The following PDCD6 variants were observed in gnomAD, a reference collection of about 807,000 sequenced individuals.
PDCD6 encodes programmed cell death 6.
In PDCD6, 12 loss-of-function variants were observed where a neutral mutation model predicts 28.3. That is an observed-to-expected ratio of 0.42 (90% confidence interval 0.27 to 0.69). PDCD6 has a LOEUF of 0.69. Ranked by LOEUF, PDCD6 falls within the 30% of genes least tolerant of loss-of-function variation. The pLI, the probability that PDCD6 is intolerant of heterozygous loss-of-function variation, is 0.22. For synonymous variants in PDCD6, 92 were observed against 108.0 expected, an observed-to-expected ratio of 0.85 and a Z score of 0.92; for missense variants, 226 against 269.9, an observed-to-expected ratio of 0.84 and a Z score of 1.14.
intron 2 of PDCD6, among the ~76,000 whole-genome samples, chr5:281,017 CTT>C (rs1224969896): frequency 1.3e-5 from 2 of 152,268 alleles, no homozygotes; most frequent in Non-Finnish European, 2.9e-5. Flanking sequence ...TTTCATAAGA[CTT>C]CTGCACAGGC....
intron 2 of PDCD6, among the ~76,000 whole-genome samples, chr5:298,008 G>C (rs1405965742): frequency 6.6e-6 from 1 of 152,168 alleles, no homozygotes; most frequent in Non-Finnish European, 1.5e-5. Context: ...TAAATATAAG[G>C]TTAGATCCAC....
At chr5:301,540 T>G (rs577898076) in intron 2 of PDCD6, among the ~76,000 whole-genome samples, 3 of 152,270 alleles carry the variant, frequency 2.0e-5, no homozygotes, top group Admixed American at 6.5e-5. Context: ...TACAGAAAGG[T>G]AATCCTGCAG....
In PDCD6 at chr5:306,584, C is replaced by A. The variant is rs149432728; in HGVS notation, c.209-18C>A. 1.2e-5 allele frequency: 19 copies of A among 1,609,756 alleles called. No individual in the cohort carries two copies. The highest frequency in any genetic ancestry group is 1.6e-5 in the Non-Finnish European group (19 of 1,176,882). ...TGCAACTGATCTTTTGCTGCTTGAC[C>A]GTTCCTCTCTGTCTCAGCCATGTTT... On this transcript the variant is annotated intron_variant, in intron 3 of 5. Transcript: ENST00000264933.
chr5:292,496 T>A (rs1739372429), intron 2 of PDCD6, among the ~76,000 whole-genome samples: 1 of 152,236 alleles, frequency 6.6e-6, no homozygotes, highest in African/African-American at 2.4e-5. Context: ...TGACCTCAGG[T>A]GATTCTCCCA....
chr5:273,780 C>A (rs1052932902), intron 2 of PDCD6, among the ~76,000 whole-genome samples: 6 of 152,150 alleles, frequency 3.9e-5, no homozygotes, highest in Non-Finnish European at 8.8e-5. Flanking sequence ...ATTACGACAT[C>A]AGTTCCTAAT....
intron 4 of PDCD6, 73 bp from the exon 5 acceptor site, chr5:311,220 C>T: frequency 3.6e-6 from 4 of 1,123,674 alleles, no homozygotes; most frequent in Non-Finnish European, 5.4e-6. Context: ...GGGCCTTGGG[C>T]AGGAGGGGTG....
rs145501003 is a variant in PDCD6, at chr5:291,458, C to A, written c.164-12719C>A. 9.1e-3 allele frequency among the ~76,000 whole-genome samples: 1,370 copies of A among 151,196 alleles called. 5 individuals carry two copies. The highest frequency in any genetic ancestry group is 0.014 in the Non-Finnish European group (920 of 67,794). On this transcript the variant is annotated intron_variant, in intron 2 of 5. Transcript: ENST00000264933. ...ATTCTCTGCCTGAGACCCACCCACA[C>A]TGACATGGTTCATTTTCATTGCTGC... is the stretch of plus-strand genomic sequence containing the variant.
At chr5:308,856 A>G (rs1290325418) in intron 4 of PDCD6, 1 of 152,196 alleles carries the variant, frequency 6.6e-6, no homozygotes, top group Admixed American at 6.5e-5. Context: ...CTTTATTGTT[A>G]ACATCAACTG....
chr5:297,396 C>G (rs527607828), intron 2 of PDCD6, among the ~76,000 whole-genome samples: 1 of 152,334 alleles, frequency 6.6e-6, no homozygotes, highest in African/African-American at 2.4e-5. Context: ...AAATGAGACT[C>G]TCATGGAAAA....
rs570858322 is a variant in PDCD6, at chr5:288,941, T to G, written c.164-15236T>G. On this transcript the variant is annotated intron_variant, in intron 2 of 5. Coordinates refer to ENST00000264933, the MANE Select transcript of PDCD6 (RefSeq NM_013232.4). ...TACTGGAATTAGATCCTACTAATTCTTCTGTTTCACGGCAGTCAGAAGAAC... is the reference window on the plus strand; with the variant it reads ...TACTGGAATTAGATCCTACTAATTCGTCTGTTTCACGGCAGTCAGAAGAAC... 1.4e-4 allele frequency: 213 copies of G among 1,543,314 alleles called. No homozygotes were observed. In the African/African-American group the frequency reaches 2.6e-3, roughly 19 times the overall value.
At chr5:286,479 T>C (rs1247020886) in intron 2 of PDCD6, among the ~76,000 whole-genome samples, 1 of 151,534 alleles carries the variant, frequency 6.6e-6, no homozygotes, top group Non-Finnish European at 1.5e-5. Flanking sequence ...GAGGAGCTGA[T>C]GTTCTTGTTT....
intron 2 of PDCD6, among the ~76,000 whole-genome samples, chr5:275,282 C>G (rs529134682): frequency 6.6e-6 from 1 of 152,200 alleles, no homozygotes; most frequent in Non-Finnish European, 1.5e-5. Flanking sequence ...ATTTCCTCAG[C>G]TTGTGCTGGG....
intron 2 of PDCD6, among the ~76,000 whole-genome samples, chr5:303,317 G>A (rs1740239202): frequency 6.8e-6 from 1 of 147,554 alleles, no homozygotes. Flanking sequence ...AAAAAACTGT[G>A]TGTCTAACAC....
At chr5:285,974 G>A (rs192286182) in intron 2 of PDCD6, among the ~76,000 whole-genome samples, 285 of 151,856 alleles carry the variant, frequency 1.9e-3, no homozygotes, top group Middle Eastern at 0.01. Context: ...CCAGTTTGAG[G>A]GCCGTGCAGC....
In PDCD6 at chr5:271,825, C is replaced by T. The variant is rs1267156024; in HGVS notation, c.101+4C>T. 7 of 1,402,750 alleles carry T rather than the reference C, an allele frequency of 5.0e-6. No homozygotes were observed. Among genetic ancestry groups the T allele is most frequent in the Admixed American group, 3.0e-5 (1 of 33,860 alleles). The allele number at this position is 1,402,750 out of a possible 1,614,324, so 86.9% of individuals were successfully genotyped here. The stretch of plus-strand genomic sequence containing the variant: ...TCCTGTGGAACGTTTTCCAGAGGTG[C>T]GGCCTGGCACCGCCCGGGCACCTCC... On this transcript the variant is annotated splice_donor_region_variant and intron_variant, in intron 1 of 5. Coordinates refer to ENST00000264933, the MANE Select transcript of PDCD6 (RefSeq NM_013232.4).
At chr5:274,664 C>G (rs561950454) in intron 2 of PDCD6, among the ~76,000 whole-genome samples, 121 of 150,128 alleles carry the variant, frequency 8.1e-4, no homozygotes, top group African/African-American at 1.1e-3. Context: ...TCCACTTACT[C>G]AACACTCACA....
At chr5:286,775 G>A (rs760825038) in intron 2 of PDCD6, among the ~76,000 whole-genome samples, 2 of 152,186 alleles carry the variant, frequency 1.3e-5, no homozygotes, top group Non-Finnish European at 1.5e-5. Context: ...GTTCTAGTTT[G>A]TGTGTTGTGC....
intron 5 of PDCD6, chr5:311,765 C>T (rs62330020): frequency 0.038 from 9,079 of 238,754 alleles, 243 homozygotes; most frequent in Middle Eastern, 0.059. Flanking sequence ...ACGATCCCGG[C>T]TCACTCCCAC....
chr5:309,320 C>T (rs1017252920), intron 4 of PDCD6: 1 of 155,974 alleles, frequency 6.4e-6, no homozygotes, highest in African/African-American at 2.4e-5. Context: ...AACTCAGAAA[C>T]AGTTGCTTCT....
Sources: allele counts gnomAD v4.1 joint callset (sites outside exome capture counted in the v4.1 genomes callset), GRCh38; gene constraint gnomAD v4.1.1; transcripts MANE v1.5; gene names NCBI Gene and HGNC (gene_info 2026-07-23, HGNC 2026-07-21).